The following PPP3CA variants were observed in gnomAD, a reference collection of about 807,000 sequenced individuals.
PPP3CA encodes CAM-PRP catalytic subunit.
PPP3CA carries 14 observed loss-of-function variants against 66.5 expected under a neutral mutation model. The observed-to-expected ratio is 0.21, with a 90% CI of 0.14 to 0.33. The LOEUF is 0.33. Ranked by LOEUF, PPP3CA falls within the 10% of genes least tolerant of loss-of-function variation. The pLI is 1.00. For synonymous variants in PPP3CA, 232 were observed against 226.2 expected (o/e 1.03, Z -0.23); for missense variants, 317 against 639.5 (o/e 0.50, Z 5.44).
At chr4:101,331,827 C>T (rs777119123) in intron 1 of PPP3CA, among the ~76,000 whole-genome samples, 1 of 151,992 alleles carries the variant, frequency 6.6e-6, no homozygotes, top group Non-Finnish European at 1.5e-5. Flanking sequence ...GTAACATATG[C>T]TATATTATAA....
intron 1 of PPP3CA, among the ~76,000 whole-genome samples, chr4:101,202,374 T>C (rs1035461728): frequency 6.6e-6 from 1 of 152,184 alleles, no homozygotes; most frequent in African/African-American, 2.4e-5. Flanking sequence ...ATGTAAGTAC[T>C]AAGGAGTTTT....
rs888295164 is a variant in PPP3CA at position 101,261,412 on chromosome 4, T to C, written c.59-65296A>G. 7.6e-4 allele frequency among the ~76,000 whole-genome samples: 116 copies of C among 152,062 alleles called. 1 individual carries two copies. The highest frequency in any genetic ancestry group is 3.2e-3 in the Middle Eastern group (1 of 316). On this transcript the variant is annotated intron_variant, in intron 1 of 13. Transcript: ENST00000394854. ...TTAAATCTGGAGCAAAAATATAAAT[T>C]TCTTTACTCTTTAGTATTTGTAACA... is the stretch of plus-strand genomic sequence containing the variant.
intron 2 of PPP3CA, among the ~76,000 whole-genome samples, chr4:101,118,660 C>A (rs1026690768): frequency 2.0e-5 from 3 of 151,890 alleles, no homozygotes; most frequent in Non-Finnish European, 4.4e-5. Context: ...AAGTTAGTTT[C>A]TGGTTTTTAT....
chr4:101,278,122 T>TAAAAAAAAAAAAAAAAAAAAA lies in PPP3CA; in HGVS notation c.58+68616_58+68617insTTTTTTTTTTTTTTTTTTTTT, dbSNP rs3077992. 5.4e-4 allele frequency among the ~76,000 whole-genome samples: 61 copies of TAAAAAAAAAAAAAAAAAAAAA among 112,122 alleles called. 3 individuals are homozygous for TAAAAAAAAAAAAAAAAAAAAA. Among genetic ancestry groups the TAAAAAAAAAAAAAAAAAAAAA allele is most frequent in the Middle Eastern group, 4.3e-3 (1 of 230 alleles). The allele number at this position is 112,122 out of a possible 152,430, so 73.6% of individuals were successfully genotyped here. ...AAAATGAAACTTTAAAAGCTATTAG[T>TAAAAAAAAAAAAAAAAAAAAA]AAAAAAAAAAAAAAAAATAAAAAAA... is the stretch of plus-strand genomic sequence containing the variant. On this transcript the variant is annotated intron_variant, in intron 1 of 13. Transcript: ENST00000394854.
At chr4:101,187,907 C>T (rs2659506) in intron 2 of PPP3CA, among the ~76,000 whole-genome samples, 37,486 of 151,874 alleles carry the variant, frequency 0.25, 7,194 homozygotes, top group African/African-American at 0.52. Flanking sequence ...TTCGAGAAAA[C>T]GGAAAGGGAA....
chr4:101,327,346 G>T (rs1198499574), intron 1 of PPP3CA, among the ~76,000 whole-genome samples: 1 of 152,018 alleles, frequency 6.6e-6, no homozygotes, highest in Non-Finnish European at 1.5e-5. Context: ...CTACAAATAT[G>T]TTAACCTCTC....
intron 10 of PPP3CA, among the ~76,000 whole-genome samples, chr4:101,059,219 A>G (rs1728354675): frequency 6.6e-6 from 1 of 152,152 alleles, no homozygotes; most frequent in African/African-American, 2.4e-5. Context: ...TGAAACATCT[A>G]GAATTTAGAT....
rs116009237 is a variant in PPP3CA at position 101,179,771 on chromosome 4, T to C, written c.259+16145A>G. Reference sequence around the variant, plus strand: ...TTTGAATCAAGATAATTTGTCAATCTTAATGCCTATTCTTCCATGTCTAGA... The same window carrying C: ...TTTGAATCAAGATAATTTGTCAATCCTAATGCCTATTCTTCCATGTCTAGA... On this transcript the variant is annotated intron_variant, in intron 2 of 13. Transcript: ENST00000394854. 7.9e-3 allele frequency among the ~76,000 whole-genome samples: 1,204 copies of C among 152,262 alleles called. 16 individuals carry two copies. Among genetic ancestry groups the C allele is most frequent in the African/African-American group, 0.028 (1,158 of 41,552 alleles).
chr4:101,109,096 C>A lies in PPP3CA; in HGVS notation c.260-18G>T, dbSNP rs746097016. 2 of 1,608,686 alleles carry A rather than the reference C, an allele frequency of 1.2e-6. No homozygotes were observed. The highest frequency in any genetic ancestry group is 2.2e-5 in the East Asian group (1 of 44,736). On this transcript the variant is annotated intron_variant, in intron 2 of 13. Coordinates refer to ENST00000394854, the MANE Select transcript of PPP3CA (RefSeq NM_000944.5). ...CCCACAAACTGAAAGAAACAAAATT[C>A]ATTTTATGGTCATATTATGTTAGGA...
intron 1 of PPP3CA, among the ~76,000 whole-genome samples, chr4:101,214,886 A>C (rs1725410004): frequency 6.6e-6 from 1 of 152,144 alleles, no homozygotes; most frequent in South Asian, 2.1e-4. Context: ...TAGCGAGGTC[A>C]ATTTTCCTCC....
At chr4:101,266,156 T>C (rs150061449) in intron 1 of PPP3CA, among the ~76,000 whole-genome samples, 12 of 152,276 alleles carry the variant, frequency 7.9e-5, no homozygotes, top group Admixed American at 5.2e-4. Flanking sequence ...TTACCTCACC[T>C]ATTTCCTCTA....
At chr4:101,326,446 G>A (rs1005528193) in intron 1 of PPP3CA, among the ~76,000 whole-genome samples, 5 of 152,098 alleles carry the variant, frequency 3.3e-5, no homozygotes, top group Non-Finnish European at 7.4e-5. Flanking sequence ...ACATCATAAT[G>A]ATAAATTTAA....
chr4:101,331,797 TA>T (rs1729395074), intron 1 of PPP3CA, among the ~76,000 whole-genome samples: 1 of 152,148 alleles, frequency 6.6e-6, no homozygotes, highest in African/African-American at 2.4e-5. Context: ...ATTGGAGACT[TA>T]AAATAAGTTC....
intron 8 of PPP3CA, among the ~76,000 whole-genome samples, chr4:101,075,238 C>A (rs1352715233): frequency 2.0e-5 from 3 of 152,138 alleles, no homozygotes; most frequent in African/African-American, 7.2e-5. Flanking sequence ...CTTATAAAAG[C>A]AATTTTCTAC....
At chr4:101,226,200 C>T (rs1725777241) in intron 1 of PPP3CA, among the ~76,000 whole-genome samples, 1 of 151,698 alleles carries the variant, frequency 6.6e-6, no homozygotes, top group Non-Finnish European at 1.5e-5. Flanking sequence ...CTATTCAGGA[C>T]TCCAGGCTTC....
intron 1 of PPP3CA, among the ~76,000 whole-genome samples, chr4:101,236,104 C>G (rs1726120683): frequency 6.6e-6 from 1 of 150,776 alleles, no homozygotes; most frequent in African/African-American, 2.4e-5. Flanking sequence ...TGTAAAGAAC[C>G]TACGTAACAA....
intron 2 of PPP3CA, among the ~76,000 whole-genome samples, chr4:101,181,707 A>G (rs1724240932): frequency 6.6e-6 from 1 of 152,176 alleles, no homozygotes; most frequent in Non-Finnish European, 1.5e-5. Context: ...AAAATAAAGT[A>G]TCTTACAATT....
chr4:101,346,680 A>T, intron 1 of PPP3CA, 59 bp downstream of exon 1: 6 of 1,489,232 alleles, frequency 4.0e-6, no homozygotes, highest in Non-Finnish European at 5.5e-6. Context: ...GAGGCGAGGC[A>T]AGCTGCCCTG....
intron 13 of PPP3CA, 85 bp downstream of exon 13, chr4:101,029,079 CTG>C: frequency 7.6e-7 from 1 of 1,309,324 alleles, no homozygotes; most frequent in Non-Finnish European, 1.1e-6. Flanking sequence ...CCCACACACT[CTG>C]TACAAGCTAC....
Sources: gnomAD v4.1 joint callset for allele counts (sites outside exome capture counted in the v4.1 genomes callset) on GRCh38, gnomAD v4.1.1 for gene constraint, MANE v1.5 for transcripts, NCBI Gene and HGNC (gene_info 2026-07-23, HGNC 2026-07-21) for gene names.